CPT1C: variants seen among roughly 807,000 people sequenced by gnomAD.
The protein encoded by CPT1C is carnitine palmitoyltransferase 1C, also known as palmitoyl thioesterase CPT1C.
CPT1C carries 61 observed loss-of-function variants against 97.3 expected under a neutral mutation model. The observed-to-expected ratio is 0.63, with a 90% CI of 0.51 to 0.78. CPT1C has a LOEUF of 0.78. CPT1C is among the 30% of genes least tolerant of loss of function. CPT1C has a pLI of 0.00. For missense variants in CPT1C, 975 were observed against 1,065.5 expected, an observed-to-expected ratio of 0.92 and a Z score of 1.18; for synonymous variants, 469 against 447.2, an observed-to-expected ratio of 1.05 and a Z score of -0.61.
In CPT1C at chr19:49,712,446, A is replaced by T. The variant is rs144411304; in HGVS notation, c.2020-290A>T. On this transcript the variant is annotated intron_variant, in intron 17 of 19. Coordinates refer to ENST00000598293, the MANE Select transcript of CPT1C (RefSeq NM_001199753.2). ...CAGAAGGCGGAGAGGCAACGGGACA[A>T]CGGGAGCAGACAAAAGGGGAGAGGG... The T allele has an allele frequency of 2.3e-3, 984 of 432,636 alleles. 15 individuals carry two copies. The highest frequency in any genetic ancestry group is 0.018 in the African/African-American group (916 of 49,810). 26.8% of individuals were successfully genotyped at this position (432,636 alleles called of 1,614,324 possible).
At chr19:49,708,976 C>A (rs2083678074) in intron 14 of CPT1C, 137 bp downstream of exon 14, 1 of 620,702 alleles carries the variant, frequency 1.6e-6, no homozygotes, top group Non-Finnish European at 2.8e-6. Flanking sequence ...CTTCCCCCAC[C>A]CCCAAATCAG....
At chr19:49,694,218 T>G (rs2082527998) in intron 3 of CPT1C, among the ~76,000 whole-genome samples, 1 of 152,054 alleles carries the variant, frequency 6.6e-6, no homozygotes, top group African/African-American at 2.4e-5. Flanking sequence ...ATAAAACAGA[T>G]GAGCAAAATA....
rs547643369 is a variant in CPT1C, at chr19:49,713,122, G to A, written c.2226+58G>A. The stretch of plus-strand genomic sequence containing the variant: ...CTTTCCTCAGGAACCAGGAGTCTGG[G>A]CCCCCAGCCCCTCCTCCCTCAGACC... On this transcript the variant is annotated intron_variant, in intron 19 of 19. Coordinates refer to ENST00000598293, the MANE Select transcript of CPT1C (RefSeq NM_001199753.2). The A allele has an allele frequency of 2.2e-4, 314 of 1,426,876 alleles. 2 individuals are homozygous for A. In the Middle Eastern group the frequency reaches 4.9e-3, roughly 22 times the overall value. The allele number at this position is 1,426,876 out of a possible 1,614,324, so 88.4% of individuals were successfully genotyped here. A position where few individuals can be genotyped will look rare whatever the true frequency, so the allele number is the denominator to read the frequency against.
At chr19:49,702,649 A>G (rs1048056063) in intron 7 of CPT1C, among the ~76,000 whole-genome samples, 6 of 151,384 alleles carry the variant, frequency 4.0e-5, no homozygotes, top group African/African-American at 1.5e-4. Context: ...AAAAAAAAAA[A>G]GACAAAACCA....
intron 3 of CPT1C, among the ~76,000 whole-genome samples, chr19:49,694,022 G>A (rs1310070875): frequency 1.3e-5 from 2 of 151,366 alleles, no homozygotes; most frequent in African/African-American, 2.4e-5. Flanking sequence ...CCAAGATGGC[G>A]CCACTGCACT....
intron 3 of CPT1C, among the ~76,000 whole-genome samples, chr19:49,693,111 C>A (rs2082446880): frequency 6.6e-6 from 1 of 152,190 alleles, no homozygotes; most frequent in Non-Finnish European, 1.5e-5. Context: ...TAATCTCGAT[C>A]TCCTGACCTC....
At chr19:49,709,665 T>C (rs1317108479) in intron 14 of CPT1C, among the ~76,000 whole-genome samples, 1 of 149,912 alleles carries the variant, frequency 6.7e-6, no homozygotes, top group South Asian at 2.1e-4. Flanking sequence ...AGCGATTCTC[T>C]TGCCTCAGCC....
Position 49,710,494 on chromosome 19 carries a change from G to T in CPT1C, c.1731+10G>T. On this transcript the variant is annotated intron_variant, in intron 15 of 19. Transcript: ENST00000598293. ...ACTGGCCCACTTCCGGGTCAGTTGG[G>T]TTCCCCATCCACAGCCCCCGCAGGG... 2 of 1,614,066 alleles carry T rather than the reference G, an allele frequency of 1.2e-6. No individual in the cohort carries two copies. Among genetic ancestry groups the T allele is most frequent in the Non-Finnish European group, 1.7e-6 (2 of 1,180,026 alleles).
chr19:49,711,463 C>T (rs1008643418), intron 16 of CPT1C: 5 of 249,306 alleles, frequency 2.0e-5, no homozygotes, highest in Non-Finnish European at 3.1e-5. Flanking sequence ...GACTTGTGAC[C>T]TTCCTTTGCA....
At chr19:49,694,172 A>G (rs2082525608) in intron 3 of CPT1C, among the ~76,000 whole-genome samples, 1 of 152,144 alleles carries the variant, frequency 6.6e-6, no homozygotes, top group Non-Finnish European at 1.5e-5. Context: ...GAGTTGGGGG[A>G]GAAGGCAATA....
At chr19:49,697,566 C>G (rs903338724) in intron 4 of CPT1C, 101 bp downstream of exon 4, 12 of 1,364,990 alleles carry the variant, frequency 8.8e-6, no homozygotes, top group Non-Finnish European at 1.2e-5. Context: ...AAAGTAACCT[C>G]TGAGACTTAC....
Position 49,700,910 on chromosome 19 carries a change from C to T in CPT1C, c.453+55C>T, listed in dbSNP as rs2082982398. 3.2e-6 allele frequency: 5 copies of T among 1,576,640 alleles called. No homozygotes were observed. In the South Asian group the frequency reaches 3.3e-5, roughly 10 times the overall value. ...TCTCCTGGGACCCGCTTATCTATTC[C>T]CCTCTCTCTGGGTCTCTGTCCCCCT... On this transcript the variant is annotated intron_variant, in intron 5 of 19. Transcript: ENST00000598293.
rs141969670 is a variant in CPT1C at position 49,700,711 on chromosome 19, G to T, written c.309G>T (p.Gly103=). 2 of 1,610,878 alleles carry T rather than the reference G, an allele frequency of 1.2e-6. No homozygotes were observed. Among genetic ancestry groups the T allele is most frequent in the South Asian group, 1.1e-5 (1 of 91,082 alleles). Residue 103 remains glycine (G), a synonymous_variant, in exon 5 of 20, where the codon GGG becomes GGT. Coordinates refer to ENST00000598293, the MANE Select transcript of CPT1C (RefSeq NM_001199753.2). ...GTGGACAACACCACGGGCTCCGGGG[G>T]GTCCTGGCAGCCGCGCTGTTTGCCT... ...DWGGQHHGLR[G]VLAAALFASC...
At position 49,702,050 on chromosome 19, in the gene CPT1C, T is replaced by TA. The variant is rs1345800162; in HGVS notation, c.693+416_693+417insA. 2.5e-5 allele frequency among the ~76,000 whole-genome samples: 2 copies of TA among 79,600 alleles called. 1 individual carries two copies. The highest frequency in any genetic ancestry group is 1.6e-4 in the African/African-American group (2 of 12,274). 52.2% of individuals were successfully genotyped at this position (79,600 alleles called of 152,430 possible). On this transcript the variant is annotated intron_variant, in intron 7 of 19. Coordinates refer to ENST00000598293, the MANE Select transcript of CPT1C (RefSeq NM_001199753.2). ...TTATAAATATATATTTATTTATAAA[T>TA]TATAAATATATATTTATTTATAAAT... is the stretch of plus-strand genomic sequence containing the variant.
rs563130294 is a variant in CPT1C, at chr19:49,698,417, C to T, written c.281+952C>T. 1.5e-4 allele frequency among the ~76,000 whole-genome samples: 23 copies of T among 152,160 alleles called. No individual in the cohort carries two copies. The Middle Eastern group carries it at 0.01, about 68-fold the overall frequency. On this transcript the variant is annotated intron_variant, in intron 4 of 19. Transcript: ENST00000598293. ...GTGGTTTACACCTGTAATCCCAGCA[C>T]TTTGGGAGGCCGAGGTGGCCAGATC...
In CPT1C at chr19:49,710,560, T is replaced by C. The variant is rs542634556; in HGVS notation, c.1731+76T>C. On this transcript the variant is annotated intron_variant, in intron 15 of 19. Transcript: ENST00000598293. ...GCCCCCAAGACCTGCCCCTCCACGG[T>C]TCCTTGTGGTCGCTGCCATTGTGGG... 223 of 1,583,998 alleles carry C rather than the reference T, an allele frequency of 1.4e-4. 1 individual carries two copies. The highest frequency in any genetic ancestry group is 1.3e-4 in the Admixed American group (8 of 59,716).
chr19:49,694,965 T>C (rs970189929), intron 3 of CPT1C, among the ~76,000 whole-genome samples: 9 of 151,718 alleles, frequency 5.9e-5, no homozygotes, highest in African/African-American at 1.5e-4. Context: ...ACAGTGAAAC[T>C]CCGTCTCTAC....
rs534319349 is a variant in CPT1C at position 49,704,951 on chromosome 19, C to T, written c.772-56C>T. ...AGGACCTGTATTTGGGTCAGTGGCT[C>T]CATCGGGGGCAAACCTGACCCTGGG... On this transcript the variant is annotated intron_variant, in intron 8 of 19. Coordinates refer to ENST00000598293, the MANE Select transcript of CPT1C (RefSeq NM_001199753.2). The T allele has an allele frequency of 1.5e-4, 219 of 1,486,114 alleles. 3 individuals are homozygous for T. In the South Asian group the frequency reaches 2.5e-3, roughly 17 times the overall value. The allele number at this position is 1,486,114 out of a possible 1,614,324, so 92.1% of individuals were successfully genotyped here.
At position 49,700,723 on chromosome 19, in the gene CPT1C, C is replaced by T. The variant is rs145821626; in HGVS notation, c.321C>T (p.Ala107=). The T allele has an allele frequency of 1.9e-4, 299 of 1,611,700 alleles. 1 individual carries two copies. The highest frequency in any genetic ancestry group is 6.7e-5 in the Admixed American group (4 of 60,004). ...ACGGGCTCCGGGGGGTCCTGGCAGC[C>T]GCGCTGTTTGCCTCGTGTTTGTGGG... ...QHHGLRGVLA[A]ALFASCLWGA... is the part of the protein sequence containing the mutation. The change falls in exon 5 of 20, where the codon GCC becomes GCT. Residue 107 remains alanine (A), a synonymous_variant. Coordinates refer to ENST00000598293, the MANE Select transcript of CPT1C (RefSeq NM_001199753.2).
Sources: gnomAD v4.1 joint callset for allele counts (sites outside exome capture counted in the v4.1 genomes callset) on GRCh38, gnomAD v4.1.1 for gene constraint, MANE v1.5 for transcripts, NCBI Gene and HGNC (gene_info 2026-07-23, HGNC 2026-07-21) for gene names.